Variants in SH3BGRL2 observed in about 807,000 individuals in gnomAD.
SH3BGRL2 encodes the protein SH3 domain binding glutamate rich protein like 2, also known as SH3 domain-binding glutamic acid-rich-like protein 2.
Under a neutral mutation model 14.8 loss-of-function variants are expected in SH3BGRL2, and 21 were observed. The ratio of observed to expected loss-of-function variants is 1.42; its 90% CI spans 1.01 to 2.05. SH3BGRL2 has a LOEUF of 2.05. Ranked by LOEUF, SH3BGRL2 falls within the 30% of genes most tolerant of loss-of-function variation. SH3BGRL2 has a pLI of 0.00. For missense variants in SH3BGRL2, 147 were observed against 130.8 expected (o/e 1.12, Z -0.61); for synonymous variants, 50 against 47.8 (o/e 1.05, Z -0.19).
At position 79,653,816 on chromosome 6, in the gene SH3BGRL2, T is replaced by G. The variant is rs540376954; in HGVS notation, c.46-19798T>G. ...GCAGGTTTTGGGGTGGAGAATGGTCTGGCTGTTGGCCAGGGTGACTGAGCC... is the reference window on the plus strand; with the variant it reads ...GCAGGTTTTGGGGTGGAGAATGGTCGGGCTGTTGGCCAGGGTGACTGAGCC... On this transcript the variant is annotated intron_variant, in intron 1 of 3. Transcript: ENST00000369838. 1.5e-3 allele frequency among the ~76,000 whole-genome samples: 221 copies of G among 152,338 alleles called. 2 individuals carry two copies. The highest frequency in any genetic ancestry group is 2.6e-3 in the Non-Finnish European group (178 of 68,024).
intron 1 of SH3BGRL2, 118 bp from the exon 2 acceptor site, chr6:79,673,496 C>A: frequency 1.0e-6 from 1 of 969,794 alleles, no homozygotes; most frequent in Non-Finnish European, 1.5e-6. Flanking sequence ...CAGTGCATGA[C>A]ACCTACATAA....
At chr6:79,607,993 G>C in the SH3BGRL2 span, among the ~76,000 whole-genome samples, 8 of 152,112 alleles carry the variant, frequency 5.3e-5, no homozygotes, top group Non-Finnish European at 8.8e-5. Context: ...GGTTCCTCAG[G>C]CTGTACAGGA....
At chr6:79,691,592 GAGAAC>G (rs1770218041) in intron 2 of SH3BGRL2, among the ~76,000 whole-genome samples, 2 of 148,014 alleles carry the variant, frequency 1.4e-5, no homozygotes, top group African/African-American at 5.0e-5. Context: ...ACCTATGAGT[GAGAAC>G]ATGCAGTGTT....
At chr6:79,681,570 C>T (rs1769988548) in intron 2 of SH3BGRL2, among the ~76,000 whole-genome samples, 1 of 152,058 alleles carries the variant, frequency 6.6e-6, no homozygotes, top group African/African-American at 2.4e-5. Context: ...CTCCTCTCCT[C>T]TTCATTCTTT....
At chr6:79,574,933 C>A in the SH3BGRL2 span, 1 of 152,152 alleles carries the variant, frequency 6.6e-6, no homozygotes, top group Non-Finnish European at 1.5e-5. Context: ...TGGATTTTTT[C>A]ATAGCATAGC....
At chr6:79,556,847 A>G in the SH3BGRL2 span, among the ~76,000 whole-genome samples, 1 of 151,862 alleles carries the variant, frequency 6.6e-6, no homozygotes, top group Non-Finnish European at 1.5e-5. Flanking sequence ...GACATCTTTT[A>G]AAAAGAAACA....
chr6:79,632,258 GA>G (rs1416833155), intron 1 of SH3BGRL2, among the ~76,000 whole-genome samples: 9 of 151,804 alleles, frequency 5.9e-5, no homozygotes, highest in Non-Finnish European at 7.4e-5. Context: ...TTTTTTTAGA[GA>G]AAAAAAATTT....
chr6:79,673,539 C>A, intron 1 of SH3BGRL2, 75 bp from the exon 2 acceptor site: 1 of 1,419,562 alleles, frequency 7.0e-7, no homozygotes, highest in Non-Finnish European at 9.7e-7. Context: ...TGACATAAAT[C>A]TAGTTCAGTT....
chr6:79,538,811 T>A, the SH3BGRL2 span, among the ~76,000 whole-genome samples: 1 of 152,230 alleles, frequency 6.6e-6, no homozygotes, highest in African/African-American at 2.4e-5. Flanking sequence ...GGCAGTGTAA[T>A]CTCATTCCAT....
the SH3BGRL2 span, among the ~76,000 whole-genome samples, chr6:79,610,917 C>A: frequency 6.6e-6 from 1 of 152,194 alleles, no homozygotes; most frequent in African/African-American, 2.4e-5. Flanking sequence ...GAACTCAAGA[C>A]AAAATTGATT....
chr6:79,700,609 T>C lies in SH3BGRL2; in HGVS notation c.*1100T>C, dbSNP rs1299360670. The C allele has an allele frequency of 6.6e-6, 1 of 152,200 alleles. No individual in the cohort carries two copies. The highest frequency in any genetic ancestry group is 1.5e-5 in the Non-Finnish European group (1 of 68,042). 9.4% of individuals were successfully genotyped at this position (152,200 alleles called of 1,614,324 possible). A position where few individuals can be genotyped will look rare whatever the true frequency, so the allele number is the denominator to read the frequency against. On this transcript the variant is annotated 3_prime_UTR_variant, in exon 4 of 4. Transcript: ENST00000369838. ...TATTTTTCAGAGTAATACAGATACT[T>C]GTTCTCATTCCGTATATGAGCACAA...
chr6:79,595,178 C>T, the SH3BGRL2 span, among the ~76,000 whole-genome samples: 10 of 152,010 alleles, frequency 6.6e-5, no homozygotes, highest in Admixed American at 1.3e-4. Flanking sequence ...TCCAGCTACT[C>T]GGGAGGCTGA....
chr6:79,557,392 A>C, the SH3BGRL2 span, among the ~76,000 whole-genome samples: 1 of 152,044 alleles, frequency 6.6e-6, no homozygotes, highest in African/African-American at 2.4e-5. Context: ...TGAGTAGCTC[A>C]TGACAAGAAA....
At chr6:79,539,175 A>T in the SH3BGRL2 span, among the ~76,000 whole-genome samples, 1 of 152,210 alleles carries the variant, frequency 6.6e-6, no homozygotes, top group African/African-American at 2.4e-5. Context: ...AGACCAAAAA[A>T]TGTATAAATT....
At chr6:79,685,701 A>G (rs894673607) in intron 2 of SH3BGRL2, among the ~76,000 whole-genome samples, 1 of 152,032 alleles carries the variant, frequency 6.6e-6, no homozygotes, top group Non-Finnish European at 1.5e-5. Flanking sequence ...TTATAATTAT[A>G]TGAATACTTT....
chr6:79,691,566 T>A (rs1770217011), intron 2 of SH3BGRL2, among the ~76,000 whole-genome samples: 1 of 145,932 alleles, frequency 6.9e-6, no homozygotes, highest in Non-Finnish European at 1.5e-5. Flanking sequence ...CCATGTGTTC[T>A]CATTGTTCAA....
At chr6:79,571,055 T>C in the SH3BGRL2 span, among the ~76,000 whole-genome samples, 120 of 152,348 alleles carry the variant, frequency 7.9e-4, no homozygotes, top group African/African-American at 2.7e-3. Flanking sequence ...TATTGTTGTT[T>C]CTCCAGCATA....
chr6:79,684,085 C>T (rs977422529), intron 2 of SH3BGRL2, among the ~76,000 whole-genome samples: 6 of 152,254 alleles, frequency 3.9e-5, no homozygotes, highest in African/African-American at 7.2e-5. Context: ...TGCTCTATTT[C>T]GAAGATATGG....
chr6:79,601,325 A>G, the SH3BGRL2 span, among the ~76,000 whole-genome samples: 2 of 152,108 alleles, frequency 1.3e-5, no homozygotes, highest in Non-Finnish European at 1.5e-5. Context: ...AGTAGCTGGG[A>G]CTATAGGCAT....
Sources: gnomAD v4.1 joint callset for allele counts (sites outside exome capture counted in the v4.1 genomes callset) on GRCh38, gnomAD v4.1.1 for gene constraint, MANE v1.5 for transcripts, NCBI Gene and HGNC (gene_info 2026-07-23, HGNC 2026-07-21) for gene names.